The following NIN variants were observed in gnomAD, a reference collection of about 807,000 sequenced individuals.
NIN encodes glycogen synthase kinase 3 beta-interacting protein.
In NIN, 137 loss-of-function variants were observed where a neutral mutation model predicts 257.6. The observed-to-expected ratio is 0.53, with a 90% confidence interval of 0.46 to 0.61. The LOEUF is 0.61. Among genes scored for constraint, NIN ranks in the 20% least tolerant of loss-of-function variants. The probability of loss-of-function intolerance (pLI) is 0.00; values close to 1 mark genes in which losing one functional copy is unlikely to be tolerated. For synonymous variants in NIN, 918 were observed against 919.8 expected (o/e 1.00, Z 0.04); for missense variants, 2,439 against 2,501.2 (o/e 0.98, Z 0.53).
intron 22 of NIN, among the ~76,000 whole-genome samples, chr14:50,747,260 A>C (rs1183593619): frequency 6.6e-6 from 1 of 152,216 alleles, no homozygotes; most frequent in Non-Finnish European, 1.5e-5. Context: ...GTTGCTACAG[A>C]AAAAGGCAGA....
At chr14:50,758,695 T>C in intron 17 of NIN, 65 bp from the exon 18 acceptor site, 2 of 1,453,186 alleles carry the variant, frequency 1.4e-6, no homozygotes, top group Non-Finnish European at 1.8e-6. Context: ...ACAAAAACCA[T>C]TTTCCCATGC....
chr14:50,769,509 T>C (rs981840391), intron 12 of NIN, among the ~76,000 whole-genome samples: 1 of 151,902 alleles, frequency 6.6e-6, no homozygotes, highest in Non-Finnish European at 1.5e-5. Flanking sequence ...ATTTTTTTTT[T>C]CTTTTAGATC....
intron 21 of NIN, among the ~76,000 whole-genome samples, chr14:50,750,771 G>C (rs1441980626): frequency 1.3e-5 from 2 of 152,238 alleles, no homozygotes; most frequent in East Asian, 1.9e-4. Context: ...ACTTATTCTG[G>C]GGGTAAGTGA....
At chr14:50,756,443 G>C (rs1304415929) in intron 18 of NIN, 49 bp downstream of exon 18, 2 of 1,530,814 alleles carry the variant, frequency 1.3e-6, no homozygotes, top group Admixed American at 4.1e-5. Flanking sequence ...AGTTAGATCT[G>C]GTGAGGTGCT....
At chr14:50,819,385 G>C (rs1368395156) in intron 3 of NIN, among the ~76,000 whole-genome samples, 3 of 152,172 alleles carry the variant, frequency 2.0e-5, no homozygotes, top group Admixed American at 6.5e-5. Context: ...GTGAACTGTG[G>C]GGGTAGTTTC....
Position 50,772,486 on chromosome 14 carries a change from C to G in NIN, c.814-18G>C. The G allele has an allele frequency of 6.2e-7, 1 of 1,612,966 alleles. No homozygotes were observed. Among genetic ancestry groups the G allele is most frequent in the Non-Finnish European group, 8.5e-7 (1 of 1,179,040 alleles). On this transcript the variant is annotated intron_variant, in intron 8 of 30. Transcript: ENST00000530997. Reference sequence around the variant, plus strand: ...TCGAAAGACTGGAAGGAGGAAGAGACTTGAGTAAGCCTAGCTTGATTCCAG... The same window carrying G: ...TCGAAAGACTGGAAGGAGGAAGAGAGTTGAGTAAGCCTAGCTTGATTCCAG...
At chr14:50,738,538 T>C (rs973800637) in intron 26 of NIN, among the ~76,000 whole-genome samples, 1 of 152,100 alleles carries the variant, frequency 6.6e-6, no homozygotes, top group African/African-American at 2.4e-5. Flanking sequence ...CTACTAACTC[T>C]CCAGGAGTCA....
intron 5 of NIN, among the ~76,000 whole-genome samples, chr14:50,782,996 GC>G (rs2043196438): frequency 6.6e-6 from 1 of 152,122 alleles, no homozygotes; most frequent in East Asian, 1.9e-4. Flanking sequence ...GCCTTCGAAA[GC>G]CCAGGCAGCA....
intron 4 of NIN, among the ~76,000 whole-genome samples, chr14:50,798,926 G>A (rs1052318650): frequency 1.2e-4 from 18 of 152,124 alleles, no homozygotes; most frequent in Non-Finnish European, 2.6e-4. Flanking sequence ...CTATAGGCAC[G>A]TGCCACCACA....
chr14:50,779,757 C>CA lies in NIN; in HGVS notation c.436-954dup, dbSNP rs556080164. ...TGGGCAACAGAGCGAGACTCCGTCT[C>CA]AAAAAAAAAAAAAGAAAAGAAAAGA... On this transcript the variant is annotated intron_variant, in intron 5 of 30. Transcript: ENST00000530997. 7.6e-3 allele frequency among the ~76,000 whole-genome samples: 730 copies of CA among 95,558 alleles called. 7 individuals carry two copies. The highest frequency in any genetic ancestry group is 0.019 in the African/African-American group (516 of 26,986). 62.7% of individuals were successfully genotyped at this position (95,558 alleles called of 152,430 possible).
At chr14:50,798,808 C>G (rs2043955278) in intron 4 of NIN, among the ~76,000 whole-genome samples, 1 of 152,226 alleles carries the variant, frequency 6.6e-6, no homozygotes, top group Non-Finnish European at 1.5e-5. Flanking sequence ...GAGACGGAGT[C>G]TCGCTCTATT....
At position 50,792,994 on chromosome 14, in the gene NIN, T is replaced by A. The variant is rs1379013736; in HGVS notation, c.266-113A>T. 4 of 1,057,442 alleles carry A rather than the reference T, an allele frequency of 3.8e-6. No individual in the cohort carries two copies. The Admixed American group carries it at 6.6e-5, about 17-fold the overall frequency. The allele number at this position is 1,057,442 out of a possible 1,614,324, so 65.5% of individuals were successfully genotyped here. ...TACCAACCTCAAAATAAACCACCAC[T>A]GTTTGCCAATTGTGGTGGCTGTGGG... On this transcript the variant is annotated intron_variant, in intron 4 of 30. Transcript: ENST00000530997.
intron 4 of NIN, chr14:50,794,342 G>C (rs1399889933): frequency 5.2e-6 from 1 of 194,156 alleles, no homozygotes; most frequent in East Asian, 1.8e-4. Flanking sequence ...AAAAGTCCCA[G>C]TGAAGTCATT....
intron 4 of NIN, among the ~76,000 whole-genome samples, chr14:50,802,647 T>C (rs1225777111): frequency 3.3e-5 from 5 of 152,226 alleles, no homozygotes; most frequent in East Asian, 3.8e-4. Context: ...TTCATAGATA[T>C]GGATAATGTC....
intron 25 of NIN, among the ~76,000 whole-genome samples, chr14:50,740,271 C>T (rs1181046581): frequency 2.0e-5 from 3 of 151,328 alleles, no homozygotes; most frequent in Non-Finnish European, 2.9e-5. Context: ...ACTGCAACCT[C>T]CACCTCCCGG....
intron 6 of NIN, among the ~76,000 whole-genome samples, chr14:50,778,126 T>C (rs984124739): frequency 6.6e-5 from 10 of 152,244 alleles, no homozygotes; most frequent in African/African-American, 1.9e-4. Flanking sequence ...GCTTCTTAAA[T>C]ACATTTGAAA....
At chr14:50,755,462 CAA>C (rs2140772780) in intron 18 of NIN, among the ~76,000 whole-genome samples, 1 of 149,938 alleles carries the variant, frequency 6.7e-6, no homozygotes, top group East Asian at 1.9e-4. Flanking sequence ...TAATAGTTTA[CAA>C]GTTTTTTTTT....
At chr14:50,742,328 T>C (rs1295599493) in intron 24 of NIN, 1 of 152,056 alleles carries the variant, frequency 6.6e-6, no homozygotes, top group Non-Finnish European at 1.5e-5. Flanking sequence ...GGAGAATCCT[T>C]TGAGCCCAGG....
intron 4 of NIN, among the ~76,000 whole-genome samples, chr14:50,799,412 C>T (rs1022852593): frequency 6.6e-6 from 1 of 152,186 alleles, no homozygotes; most frequent in African/African-American, 2.4e-5. Context: ...CATCAAGCAA[C>T]CATGGGAGCA....
Sources: allele counts gnomAD v4.1 joint callset (sites outside exome capture counted in the v4.1 genomes callset), GRCh38; gene constraint gnomAD v4.1.1; transcripts MANE v1.5; gene names NCBI Gene and HGNC (gene_info 2026-07-23, HGNC 2026-07-21).